CLVS1: variants seen among roughly 807,000 people sequenced by gnomAD.
CLVS1 encodes clavesin 1.
Under a neutral mutation model 33.1 loss-of-function variants are expected in CLVS1, and 10 were observed. That is an observed-to-expected ratio of 0.30 (90% CI 0.19 to 0.51). The LOEUF (loss-of-function observed/expected upper bound fraction) is 0.51. CLVS1 is among the 20% of genes least tolerant of loss of function. The pLI is 0.97. For synonymous variants in CLVS1, 163 were observed against 166.1 expected, an observed-to-expected ratio of 0.98 and a Z score of 0.14; for missense variants, 343 against 433.4, an observed-to-expected ratio of 0.79 and a Z score of 1.85.
At chr8:61,274,568 A>G (rs1274928827) in intron 2 of CLVS1, among the ~76,000 whole-genome samples, 1 of 152,162 alleles carries the variant, frequency 6.6e-6, no homozygotes, top group Non-Finnish European at 1.5e-5. Context: ...CTAAACATGT[A>G]GCGAATCTGA....
At chr8:61,126,395 C>T (rs1474881714) in intron 1 of CLVS1, among the ~76,000 whole-genome samples, 1 of 152,192 alleles carries the variant, frequency 6.6e-6, no homozygotes, top group Non-Finnish European at 1.5e-5. Flanking sequence ...CCATCAGGGT[C>T]TGGGGTTCCA....
the CLVS1 span, among the ~76,000 whole-genome samples, chr8:61,018,123 G>T: frequency 6.6e-6 from 1 of 152,168 alleles, no homozygotes; most frequent in Non-Finnish European, 1.5e-5. Flanking sequence ...TCATTGGCAA[G>T]AATTTTCTAA....
the CLVS1 span, among the ~76,000 whole-genome samples, chr8:60,993,631 G>A: frequency 8.5e-5 from 13 of 152,212 alleles, no homozygotes; most frequent in Admixed American, 6.5e-5. Context: ...CCCTCTGACT[G>A]CCTCCCAGCC....
intron 2 of CLVS1, among the ~76,000 whole-genome samples, chr8:61,205,589 A>G (rs1003417975): frequency 6.6e-6 from 1 of 152,206 alleles, no homozygotes; most frequent in African/African-American, 2.4e-5. Flanking sequence ...TTTGGAGTCC[A>G]TGCTTTCTAT....
At chr8:61,053,453 G>T (rs990276632), upstream of CLVS1, among the ~76,000 whole-genome samples, 1 of 152,216 alleles carries the variant, frequency 6.6e-6, no homozygotes, top group African/African-American at 2.4e-5. Context: ...GGAGGGAGTG[G>T]TTATCCATGT....
chr8:61,393,835 G>C (rs1170022113), intron 3 of CLVS1, among the ~76,000 whole-genome samples: 1 of 152,190 alleles, frequency 6.6e-6, no homozygotes, highest in East Asian at 1.9e-4. Flanking sequence ...GACTCTGTGG[G>C]AGTCCTTGGT....
rs148028420 is a variant in CLVS1, at chr8:61,481,055, G to A, written c.978-18400G>A. Among the ~76,000 whole-genome samples the A allele has an allele frequency of 3.7e-3, 570 of 152,230 alleles. 6 individuals carry two copies. Among genetic ancestry groups the A allele is most frequent in the African/African-American group, 0.013 (547 of 41,552 alleles). ...CTGATTATGCATTCTTGGTTTAGAG[G>A]AAAGGAAAGGAAACTAGGACAGGCT... On this transcript the variant is annotated intron_variant, in intron 5 of 5. Transcript: ENST00000325897.
chr8:61,377,869 T>C (rs1399257922), intron 3 of CLVS1: 1 of 149,110 alleles, frequency 6.7e-6, no homozygotes, highest in Non-Finnish European at 1.5e-5. Flanking sequence ...TCCACATTGT[T>C]CCAGGGATGC....
the CLVS1 span, among the ~76,000 whole-genome samples, chr8:60,985,934 T>C: frequency 1.3e-5 from 2 of 152,308 alleles, no homozygotes; most frequent in Admixed American, 1.3e-4. Flanking sequence ...GAAAGAGTAT[T>C]GAACTGTCGA....
intron 2 of CLVS1, among the ~76,000 whole-genome samples, chr8:61,346,561 C>T (rs1459788398): frequency 6.6e-6 from 1 of 152,170 alleles, no homozygotes; most frequent in Non-Finnish European, 1.5e-5. Context: ...AAAGGCAGCA[C>T]ACAATTAATT....
chr8:61,197,060 G>T (rs1458166097), intron 2 of CLVS1, among the ~76,000 whole-genome samples: 1 of 152,194 alleles, frequency 6.6e-6, no homozygotes, highest in Non-Finnish European at 1.5e-5. Context: ...AAAGAATTAA[G>T]CCCTAATGTC....
intron 1 of CLVS1, among the ~76,000 whole-genome samples, chr8:61,068,197 ATG>A (rs199887531): frequency 8.3e-6 from 1 of 120,682 alleles, no homozygotes; most frequent in African/African-American, 4.2e-5. Flanking sequence ...ATATGTGTAT[ATG>A]TATATATATA....
chr8:61,201,032 T>C (rs190109657), intron 2 of CLVS1, among the ~76,000 whole-genome samples: 203 of 152,360 alleles, frequency 1.3e-3, no homozygotes, highest in Non-Finnish European at 2.4e-3. Context: ...TGGTGAAATT[T>C]ACTAAATTGC....
intron 2 of CLVS1, among the ~76,000 whole-genome samples, chr8:61,175,705 C>G (rs1430709549): frequency 6.6e-6 from 1 of 152,176 alleles, no homozygotes; most frequent in Non-Finnish European, 1.5e-5. Context: ...GGATTGCCAG[C>G]AACCACCAGA....
chr8:61,239,957 T>A (rs750366882), intron 2 of CLVS1, among the ~76,000 whole-genome samples: 3 of 152,146 alleles, frequency 2.0e-5, no homozygotes, highest in Non-Finnish European at 4.4e-5. Context: ...TGCAGAGCCA[T>A]AGACTTAGTT....
At chr8:61,336,726 A>C (rs1294855400) in intron 2 of CLVS1, among the ~76,000 whole-genome samples, 1 of 152,202 alleles carries the variant, frequency 6.6e-6, no homozygotes, top group Non-Finnish European at 1.5e-5. Context: ...AAAATAAAGA[A>C]TAGCCTAGAA....
the CLVS1 span, among the ~76,000 whole-genome samples, chr8:61,045,872 T>C: frequency 6.6e-6 from 1 of 152,224 alleles, no homozygotes; most frequent in East Asian, 1.9e-4. Context: ...AAATGTACTA[T>C]AGATTCTGGA....
At chr8:61,078,072 A>G (rs1804956900) in intron 1 of CLVS1, among the ~76,000 whole-genome samples, 1 of 152,196 alleles carries the variant, frequency 6.6e-6, no homozygotes, top group Non-Finnish European at 1.5e-5. Flanking sequence ...AGTTTTAAAC[A>G]GAGCCCCAGT....
At chr8:61,270,108 G>A (rs1361865544) in intron 2 of CLVS1, among the ~76,000 whole-genome samples, 2 of 152,306 alleles carry the variant, frequency 1.3e-5, no homozygotes, top group Middle Eastern at 3.4e-3. Context: ...CAAAGGCAAT[G>A]CTTCCAGTTT....
Sources: gnomAD v4.1 joint callset for allele counts (sites outside exome capture counted in the v4.1 genomes callset) on GRCh38, gnomAD v4.1.1 for gene constraint, MANE v1.5 for transcripts, NCBI Gene and HGNC (gene_info 2026-07-23, HGNC 2026-07-21) for gene names.